The following PIP5K1B variants were observed in gnomAD, a reference collection of about 807,000 sequenced individuals.
PIP5K1B encodes phosphatidylinositol-4-phosphate 5-kinase type 1 beta.
PIP5K1B carries 42 observed loss-of-function variants against 67.0 expected under a neutral mutation model. The observed-to-expected ratio is 0.63, with a 90% confidence interval of 0.49 to 0.81. PIP5K1B has a LOEUF of 0.81. Ranked by LOEUF, PIP5K1B falls within the 30% of genes least tolerant of loss-of-function variation. The probability of loss-of-function intolerance (pLI) is 0.00; values close to 1 mark genes in which losing one functional copy is unlikely to be tolerated. For synonymous variants in PIP5K1B, 214 were observed against 231.4 expected, an observed-to-expected ratio of 0.92 and a Z score of 0.68; for missense variants, 459 against 646.3, an observed-to-expected ratio of 0.71 and a Z score of 3.14.
rs181514483 is a variant in PIP5K1B, at chr9:69,007,596, G to A, written c.1621-851G>A. On this transcript the variant is annotated intron_variant, in intron 15 of 15. Transcript: ENST00000265382. The stretch of plus-strand genomic sequence containing the variant: ...AATCAGGCCGGGTGAGGTGGCTCAC[G>A]CCTGTAATCCCAGCACTTTGGGAGG... Among the ~76,000 whole-genome samples, 471 of 152,266 alleles carry A rather than the reference G, an allele frequency of 3.1e-3. 3 individuals are homozygous for A. Among genetic ancestry groups the A allele is most frequent in the Non-Finnish European group, 4.9e-3 (332 of 68,012 alleles).
Position 68,934,951 on chromosome 9 carries a change from A to T in PIP5K1B, c.1263A>T (p.Ser421=). 6.2e-7 allele frequency: 1 copy of T among 1,613,570 alleles called. No homozygotes were observed. Among genetic ancestry groups the T allele is most frequent in the Non-Finnish European group, 8.5e-7 (1 of 1,179,636 alleles). The change falls in exon 13 of 16, where the codon TCA becomes TCT. Residue 421 remains serine (S), a synonymous_variant. Transcript: ENST00000265382. ...CNSIAALKAT[S]QEIVSSISQE... is the part of the protein sequence containing the mutation. ...CAATCGCCGCCCTAAAGGCCACTTC[A>T]CAGGAGATTGTGTCCTCAATTAGCC...
intron 2 of PIP5K1B, among the ~76,000 whole-genome samples, chr9:68,755,508 ACACAAGATTTTTCCTC>A (rs755059630): frequency 2.6e-5 from 4 of 152,232 alleles, no homozygotes; most frequent in Non-Finnish European, 4.4e-5. Flanking sequence ...TGTATAAGTA[ACACAAGATTTTTCCTC>A]CTTAAAATGT....
At chr9:69,007,756 C>G (rs1344844961) in intron 15 of PIP5K1B, among the ~76,000 whole-genome samples, 1 of 151,942 alleles carries the variant, frequency 6.6e-6, no homozygotes, top group Non-Finnish European at 1.5e-5. Context: ...ACTCGGGAGG[C>G]TGAGGCAGGA....
At chr9:68,949,887 C>G (rs1587708529) in intron 14 of PIP5K1B, among the ~76,000 whole-genome samples, 1 of 152,314 alleles carries the variant, frequency 6.6e-6, no homozygotes, top group South Asian at 2.1e-4. Context: ...CTTATTTGAA[C>G]ACGGTCCGAA....
chr9:68,783,577 A>G (rs1831428369), intron 2 of PIP5K1B: 1 of 166,930 alleles, frequency 6.0e-6, no homozygotes. Flanking sequence ...TTCCATGTAT[A>G]TATGTATATA....
intron 14 of PIP5K1B, among the ~76,000 whole-genome samples, chr9:68,949,699 A>C (rs1827964787): frequency 1.3e-5 from 2 of 152,258 alleles, no homozygotes; most frequent in Admixed American, 1.3e-4. Context: ...AAAGGAGTTT[A>C]CTTGAGCAGT....
intron 2 of PIP5K1B, among the ~76,000 whole-genome samples, chr9:68,770,297 C>T (rs1830616079): frequency 6.6e-6 from 1 of 152,226 alleles, no homozygotes; most frequent in Admixed American, 6.5e-5. Flanking sequence ...ATACCTACTC[C>T]TCTCCCTCAG....
intron 12 of PIP5K1B, among the ~76,000 whole-genome samples, chr9:68,927,395 ATACGAGTTCCAGTT>A (rs1458860598): frequency 6.6e-6 from 1 of 152,230 alleles, no homozygotes; most frequent in African/African-American, 2.4e-5. Flanking sequence ...CCAGCAACAT[ATACGAGTTCCAGTT>A]TCTCTACATC....
At chr9:68,727,150 G>A (rs1267471881) in intron 1 of PIP5K1B, among the ~76,000 whole-genome samples, 1 of 152,174 alleles carries the variant, frequency 6.6e-6, no homozygotes, top group Admixed American at 6.5e-5. Context: ...TAAACTTCAA[G>A]AGGAGGCCAG....
intron 4 of PIP5K1B, among the ~76,000 whole-genome samples, chr9:68,847,897 A>G (rs1822276911): frequency 6.6e-6 from 1 of 152,250 alleles, no homozygotes; most frequent in Non-Finnish European, 1.5e-5. Flanking sequence ...GAGTAGCCAC[A>G]TATTTTAGCT....
chr9:68,993,119 G>T (rs376788848), intron 15 of PIP5K1B, among the ~76,000 whole-genome samples: 1 of 151,570 alleles, frequency 6.6e-6, no homozygotes, highest in Non-Finnish European at 1.5e-5. Flanking sequence ...CCGAGATCAC[G>T]CCACTGCACT....
At chr9:68,718,689 T>C (rs1363171760) in intron 1 of PIP5K1B, among the ~76,000 whole-genome samples, 1 of 152,252 alleles carries the variant, frequency 6.6e-6, no homozygotes, top group Non-Finnish European at 1.5e-5. Context: ...CCTGATTCTT[T>C]AAAAGATTAT....
intron 4 of PIP5K1B, among the ~76,000 whole-genome samples, chr9:68,860,630 T>C (rs1373558178): frequency 6.6e-6 from 1 of 152,234 alleles, no homozygotes; most frequent in African/African-American, 2.4e-5. Context: ...AACACTGATA[T>C]GGAGGCAGCC....
chr9:69,005,241 TG>T (rs1831025232), intron 15 of PIP5K1B, among the ~76,000 whole-genome samples: 1 of 152,198 alleles, frequency 6.6e-6, no homozygotes, highest in Non-Finnish European at 1.5e-5. Flanking sequence ...AGACCCTGTG[TG>T]TTTTTTTATT....
chr9:68,949,452 G>A (rs1333300078), intron 14 of PIP5K1B, among the ~76,000 whole-genome samples: 1 of 152,204 alleles, frequency 6.6e-6, no homozygotes, highest in South Asian at 2.1e-4. Context: ...TAGTGAAACA[G>A]CACCTGTCTG....
chr9:68,846,678 G>A (rs1383080723), intron 4 of PIP5K1B, among the ~76,000 whole-genome samples: 1 of 152,094 alleles, frequency 6.6e-6, no homozygotes, highest in Non-Finnish European at 1.5e-5. Context: ...CAGTTACCCT[G>A]CCCCTTTCTT....
chr9:68,767,593 TAAAAAAAA>T (rs36028796), intron 2 of PIP5K1B, among the ~76,000 whole-genome samples: 1 of 128,404 alleles, frequency 7.8e-6, no homozygotes, highest in African/African-American at 2.9e-5. Context: ...GACTCTGTCT[TAAAAAAAA>T]AAAAAAAAAA....
chr9:68,961,452 A>G (rs1301131659), intron 14 of PIP5K1B, among the ~76,000 whole-genome samples: 1 of 152,218 alleles, frequency 6.6e-6, no homozygotes, highest in Non-Finnish European at 1.5e-5. Flanking sequence ...TATACATATG[A>G]TATATCAATA....
At chr9:68,787,397 G>T (rs551892078) in intron 2 of PIP5K1B, among the ~76,000 whole-genome samples, 1 of 152,162 alleles carries the variant, frequency 6.6e-6, no homozygotes. Flanking sequence ...CAGTCCTTTT[G>T]TAGAAGTACA....
Sources: gnomAD v4.1 joint callset for allele counts (sites outside exome capture counted in the v4.1 genomes callset) on GRCh38, gnomAD v4.1.1 for gene constraint, MANE v1.5 for transcripts, NCBI Gene and HGNC (gene_info 2026-07-23, HGNC 2026-07-21) for gene names.